The following GSDME variants were observed in gnomAD, a reference collection of about 807,000 sequenced individuals.
The protein encoded by GSDME is gasdermin E.
A neutral mutation model predicts 47.5 loss-of-function variants in GSDME; 44 were observed. The ratio of observed to expected loss-of-function variants is 0.93; its 90% CI spans 0.73 to 1.19. The LOEUF (loss-of-function observed/expected upper bound fraction) is 1.19. Ranked by LOEUF, GSDME falls within the 50% of genes most tolerant of loss-of-function variation. The pLI, the probability that GSDME is intolerant of heterozygous loss-of-function variation, is 0.00. For synonymous variants in GSDME, 258 were observed against 252.8 expected (o/e 1.02, Z -0.20); for missense variants, 663 against 604.2 (o/e 1.10, Z -1.02).
At position 24,745,021 on chromosome 7, in the gene GSDME, GT is replaced by G. The variant is rs1790620218; in HGVS notation, c.212-268del. ...TGTGTGTGTGTGTGTGTGTGTGTGT[GT>G]GTGTGTGTGTGTGGACCACGGGCAC... On this transcript the variant is annotated intron_variant, in intron 2 of 9. Coordinates refer to ENST00000645220, the MANE Select transcript of GSDME (RefSeq NM_001127453.2). This position sits in a 1 kb window ranked among gnomAD's most constrained non-coding sequence, Gnocchi z 4.4. Among the ~76,000 whole-genome samples, 5 of 149,178 alleles carry G rather than the reference GT, an allele frequency of 3.4e-5. No homozygotes were observed. The highest frequency in any genetic ancestry group is 1.0e-4 in the African/African-American group (4 of 39,232).
chr7:24,790,726 A>C, the GSDME span, among the ~76,000 whole-genome samples: 200 of 152,248 alleles, frequency 1.3e-3, 3 homozygotes, highest in Admixed American at 0.011. The surrounding 1 kb of genome is among the most constrained non-coding windows in gnomAD (Gnocchi z 4.1). Context: ...GGGGGCTCAG[A>C]TGGGTTATAA....
At chr7:24,760,435 C>T (rs1163140235), upstream of GSDME, among the ~76,000 whole-genome samples, 1 of 152,152 alleles carries the variant, frequency 6.6e-6, no homozygotes, top group African/African-American at 2.4e-5. This position sits in a 1 kb window ranked among gnomAD's most constrained non-coding sequence, Gnocchi z 4.2. Flanking sequence ...GGGTAGAATC[C>T]AGCCTACCAC....
chr7:24,776,572 A>T, the GSDME span, among the ~76,000 whole-genome samples: 1 of 152,224 alleles, frequency 6.6e-6, no homozygotes, highest in Non-Finnish European at 1.5e-5. Context: ...GGTTTTTGAT[A>T]TGTGATCAAG....
chr7:24,776,180 C>CAAA, the GSDME span, among the ~76,000 whole-genome samples: 7,990 of 70,064 alleles, frequency 0.11, 541 homozygotes, highest in Admixed American at 0.17. Context: ...AACTCCATCT[C>CAAA]AAAAAAAAAA....
upstream of GSDME, among the ~76,000 whole-genome samples, chr7:24,761,506 T>A (rs922890234): frequency 6.6e-6 from 1 of 152,256 alleles, no homozygotes. The surrounding 1 kb of genome is among the most constrained non-coding windows in gnomAD (Gnocchi z 4.4). Flanking sequence ...ATCCCATTGA[T>A]GAGGGTTCCA....
chr7:24,715,712 G>A (rs1408762554), intron 5 of GSDME: 3 of 319,388 alleles, frequency 9.4e-6, no homozygotes, highest in Admixed American at 4.7e-5. Context: ...CAATAATAAC[G>A]AAAACGCCCC....
chr7:24,737,878 AC>A (rs779968560), intron 3 of GSDME, among the ~76,000 whole-genome samples: 6 of 152,206 alleles, frequency 3.9e-5, no homozygotes, highest in Admixed American at 3.3e-4. Context: ...AAAATGAAGA[AC>A]AAAAACCATT....
At chr7:24,707,618 C>G (rs1789166552) in intron 7 of GSDME, 3 of 355,832 alleles carry the variant, frequency 8.4e-6, no homozygotes, top group Non-Finnish European at 1.6e-5. Flanking sequence ...AAAATGAGAT[C>G]ATCCTAGATT....
the GSDME span, among the ~76,000 whole-genome samples, chr7:24,778,563 T>C: frequency 2.0e-5 from 3 of 152,234 alleles, no homozygotes; most frequent in African/African-American, 7.2e-5. The surrounding 1 kb of genome is among the most constrained non-coding windows in gnomAD (Gnocchi z 5.6). Flanking sequence ...CCGGGACAAA[T>C]TGGTTGCCCC....
At chr7:24,706,835 A>C (rs989564992) in intron 7 of GSDME, among the ~76,000 whole-genome samples, 1 of 152,200 alleles carries the variant, frequency 6.6e-6, no homozygotes, top group Non-Finnish European at 1.5e-5. Context: ...CTGGAGAGCC[A>C]GTTCGGACCA....
the GSDME span, among the ~76,000 whole-genome samples, chr7:24,764,065 T>C: frequency 6.6e-6 from 1 of 152,244 alleles, no homozygotes; most frequent in Non-Finnish European, 1.5e-5. This position sits in a 1 kb window ranked among gnomAD's most constrained non-coding sequence, Gnocchi z 4.4. Context: ...TGTTTTCATC[T>C]ATAACAATTT....
intron 3 of GSDME, among the ~76,000 whole-genome samples, chr7:24,737,039 A>G (rs936416014): frequency 1.3e-5 from 2 of 152,066 alleles, no homozygotes; most frequent in African/African-American, 2.4e-5. Flanking sequence ...ATAGCTGTAC[A>G]TAAATCAAAA....
the GSDME span, among the ~76,000 whole-genome samples, chr7:24,794,147 CTT>C: frequency 2.0e-5 from 3 of 149,834 alleles, no homozygotes; most frequent in Non-Finnish European, 4.5e-5. Context: ...ATATCTCTCT[CTT>C]TCTCTCTTTG....
upstream of GSDME, among the ~76,000 whole-genome samples, chr7:24,759,710 A>G (rs1224867313): frequency 6.6e-6 from 1 of 152,150 alleles, no homozygotes; most frequent in East Asian, 1.9e-4. Context: ...GAAAATAAGA[A>G]GTGCAGAAGT....
intron 2 of GSDME, among the ~76,000 whole-genome samples, chr7:24,748,451 C>T (rs1189609480): frequency 1.3e-5 from 2 of 152,178 alleles, no homozygotes; most frequent in Admixed American, 1.3e-4. Context: ...AGCCACCACG[C>T]CCGGCCTACA....
rs1789990129 is a variant in GSDME at position 24,726,943 on chromosome 7, A to G, written c.405-7725T>C. On this transcript the variant is annotated intron_variant, in intron 3 of 9. Transcript: ENST00000645220. This position sits in a 1 kb window ranked among gnomAD's most constrained non-coding sequence, Gnocchi z 5.6. ...TTGTTGAGTCTGCTGTGGAGAAATT[A>G]TAAAACTAGAAGGGACCCAAGGGGA... Among the ~76,000 whole-genome samples the G allele has an allele frequency of 6.6e-6, 1 of 152,188 alleles. No individual in the cohort carries two copies. The highest frequency in any genetic ancestry group is 6.5e-5 in the Admixed American group (1 of 15,284).
the GSDME span, among the ~76,000 whole-genome samples, chr7:24,770,845 C>CA: frequency 7.5e-6 from 1 of 133,812 alleles, no homozygotes; most frequent in Non-Finnish European, 1.6e-5. This position sits in a 1 kb window ranked among gnomAD's most constrained non-coding sequence, Gnocchi z 4.6. Flanking sequence ...ATAGAAACTT[C>CA]AAAACCAAAA....
rs185750652 is a variant in GSDME, at chr7:24,726,628, C to G, written c.405-7410G>C. 8.7e-4 allele frequency among the ~76,000 whole-genome samples: 132 copies of G among 152,232 alleles called. No homozygotes were observed. Among genetic ancestry groups the G allele is most frequent in the Admixed American group, 1.9e-3 (29 of 15,306 alleles). The stretch of plus-strand genomic sequence containing the variant: ...CACGAGGTCAGGAGATCGAGACCAT[C>G]CTGGTTAATATGGTGAAACCCCGTC... On this transcript the variant is annotated intron_variant, in intron 3 of 9. Transcript: ENST00000645220. The surrounding 1 kb of genome is among the most constrained non-coding windows in gnomAD (Gnocchi z 5.6).
chr7:24,791,148 C>T, the GSDME span, among the ~76,000 whole-genome samples: 3 of 152,016 alleles, frequency 2.0e-5, no homozygotes, highest in Non-Finnish European at 4.4e-5. The surrounding 1 kb of genome is among the most constrained non-coding windows in gnomAD (Gnocchi z 4.8). Flanking sequence ...GGCTGGGATT[C>T]CTTGACCACT....
Sources: gnomAD v4.1 joint callset for allele counts (sites outside exome capture counted in the v4.1 genomes callset) on GRCh38, gnomAD v4.1.1 for gene constraint, Gnocchi (gnomAD v3.1) non-coding constraint, MANE v1.5 for transcripts, NCBI Gene and HGNC (gene_info 2026-07-23, HGNC 2026-07-21) for gene names.